UGT1A8: variants seen among roughly 807,000 people sequenced by gnomAD.
UGT1A8 encodes the protein UDP glucuronosyltransferase family 1 member A8.
In UGT1A8, 39 loss-of-function variants were observed where a neutral mutation model predicts 45.3. The ratio of observed to expected loss-of-function variants is 0.86; its 90% CI spans 0.67 to 1.12. The LOEUF is 1.12. UGT1A8 is among the 50% of genes most tolerant of loss of function. The probability of loss-of-function intolerance (pLI) is 0.00; values close to 1 mark genes in which losing one functional copy is unlikely to be tolerated. For synonymous variants in UGT1A8, 275 were observed against 249.2 expected (o/e 1.10, Z -0.97); for missense variants, 719 against 664.9 (o/e 1.08, Z -0.90).
chr2:233,692,756 A>G, intron 1 of UGT1A8: 3 of 1,156,272 alleles, frequency 2.6e-6, no homozygotes, highest in Non-Finnish European at 2.3e-6. Flanking sequence ...AGACTTGTGG[A>G]GCTGAAGAGA....
chr2:233,724,621 C>T (rs1346107086), intron 1 of UGT1A8, among the ~76,000 whole-genome samples: 1 of 138,572 alleles, frequency 7.2e-6, no homozygotes, highest in African/African-American at 2.8e-5. Flanking sequence ...CAGAGACGCT[C>T]CTCACTTCCT....
At chr2:233,729,975 C>T in intron 1 of UGT1A8, 1 of 1,614,046 alleles carries the variant, frequency 6.2e-7, no homozygotes, top group Non-Finnish European at 8.5e-7. Context: ...ACTGTGCCAA[C>T]AGGAAGCCAC....
Position 233,769,434 on chromosome 2 carries a change from T to C in UGT1A8, c.1295+995T>C, listed in dbSNP as rs999407687. 1.3e-5 allele frequency: 20 copies of C among 1,542,190 alleles called. No homozygotes were observed. Among genetic ancestry groups the C allele is most frequent in the Non-Finnish European group, 1.7e-5 (19 of 1,120,764 alleles). On this transcript the variant is annotated intron_variant, in intron 4 of 4. Coordinates refer to ENST00000373450, the MANE Select transcript of UGT1A8 (RefSeq NM_019076.5). This position sits in a 1 kb window ranked among gnomAD's most constrained non-coding sequence, Gnocchi z 4.4. ...GCGTTTGTGCATGTGGCTGTGCTCA[T>C]GTGTGGGTGCACACGTGTGCATTCA...
chr2:233,672,399 A>G, intron 1 of UGT1A8: 1 of 1,614,050 alleles, frequency 6.2e-7, no homozygotes. Flanking sequence ...ACTGTGGCTT[A>G]ATTGTTGCCA....
At chr2:233,700,589 G>GAT (rs2075574191) in intron 1 of UGT1A8, among the ~76,000 whole-genome samples, 2 of 152,036 alleles carry the variant, frequency 1.3e-5, no homozygotes. Flanking sequence ...AATTTATTAT[G>GAT]ATACAATTCA....
chr2:233,675,734 A>T (rs1422335513), intron 1 of UGT1A8, among the ~76,000 whole-genome samples: 4 of 152,200 alleles, frequency 2.6e-5, no homozygotes, highest in African/African-American at 9.7e-5. Flanking sequence ...TGCTCTACTA[A>T]TTCATCTATC....
rs368274844 is a variant in UGT1A8, at chr2:233,617,820, G to T, written c.113G>T (p.Trp38Leu). 5.0e-6 allele frequency: 8 copies of T among 1,614,090 alleles called. No homozygotes were observed. Among genetic ancestry groups the T allele is most frequent in the Non-Finnish European group, 6.8e-6 (8 of 1,180,016 alleles). Residue 38 changes from tryptophan (W) to leucine (L), a missense_variant, in exon 1 of 5, where the codon TGG becomes TTG. Trp to Leu is a moderately conservative substitution (Grantham distance 61). Coordinates refer to ENST00000373450, the MANE Select transcript of UGT1A8 (RefSeq NM_019076.5). Reference sequence around the variant, plus strand: ...GTAGTGCCCATGGATGGGAGTCACTGGTTCACCATGCAGTCGGTGGTGGAG... The same window carrying T: ...GTAGTGCCCATGGATGGGAGTCACTTGTTCACCATGCAGTCGGTGGTGGAG... ...LLVVPMDGSH[W>L]FTMQSVVEKL... is the part of the protein sequence containing the mutation.
intron 1 of UGT1A8, among the ~76,000 whole-genome samples, chr2:233,650,916 A>G (rs572780336): frequency 5.9e-5 from 9 of 152,336 alleles, no homozygotes; most frequent in Non-Finnish European, 1.3e-4. Flanking sequence ...GCAATGGACC[A>G]TGCAATTTTG....
At position 233,760,643 on chromosome 2, in the gene UGT1A8, A is replaced by G. The variant is rs534521374; in HGVS notation, c.856-6391A>G. On this transcript the variant is annotated intron_variant, in intron 1 of 4. Coordinates refer to ENST00000373450, the MANE Select transcript of UGT1A8 (RefSeq NM_019076.5). ...AAAACATACAAGAAAATAAAAAAGG[A>G]CTCTGCTATGCTTTTGTCTGGCTGT... 5.0e-6 allele frequency: 8 copies of G among 1,614,148 alleles called. No individual in the cohort carries two copies. The South Asian group carries it at 8.8e-5, about 18-fold the overall frequency.
intron 1 of UGT1A8, chr2:233,682,365 A>G (rs2074575471): frequency 5.6e-6 from 9 of 1,614,054 alleles, no homozygotes; most frequent in South Asian, 2.2e-5. Context: ...AGTTGTTTTG[A>G]TGCAGTGTTT....
intron 1 of UGT1A8, among the ~76,000 whole-genome samples, chr2:233,756,797 C>T (rs954051942): frequency 2.0e-5 from 3 of 151,992 alleles, no homozygotes. Context: ...GGGCAATACA[C>T]TAGTAAAGGT....
rs368860136 is a variant in UGT1A8 at position 233,772,310 on chromosome 2, G to C, written c.1344G>C (p.Pro448=). 4.6e-5 allele frequency: 74 copies of C among 1,614,210 alleles called. 1 individual carries two copies. The South Asian group carries it at 7.0e-4, about 15-fold the overall frequency. The part of the protein sequence containing the change: ...MRLSSLHKDR[P]VEPLDLAVFW... Reference sequence around the variant, plus strand: ...TCTCCAGCCTTCACAAGGACCGCCCGGTGGAGCCGCTGGACCTGGCCGTGT... The same window carrying C: ...TCTCCAGCCTTCACAAGGACCGCCCCGTGGAGCCGCTGGACCTGGCCGTGT... The change falls in exon 5 of 5, where the codon CCG becomes CCC. Residue 448 remains proline, a synonymous_variant. Transcript: ENST00000373450.
chr2:233,707,415 G>T (rs183543704), intron 1 of UGT1A8, among the ~76,000 whole-genome samples: 1 of 151,836 alleles, frequency 6.6e-6, no homozygotes, highest in Non-Finnish European at 1.5e-5. Context: ...TCTCTCCCTC[G>T]ACTATTTCTT....
At chr2:233,666,122 G>A (rs567900779) in intron 1 of UGT1A8, among the ~76,000 whole-genome samples, 1 of 152,330 alleles carries the variant, frequency 6.6e-6, no homozygotes, top group South Asian at 2.1e-4. Context: ...AGGGTGGAGG[G>A]TGCTGATCAC....
chr2:233,656,841 T>C (rs1339557150), intron 1 of UGT1A8, among the ~76,000 whole-genome samples: 1 of 152,086 alleles, frequency 6.6e-6, no homozygotes, highest in East Asian at 1.9e-4. Flanking sequence ...TTCTTTTCAG[T>C]TTACACGTTC....
chr2:233,644,630 G>A (rs2073551251), intron 1 of UGT1A8, among the ~76,000 whole-genome samples: 1 of 152,158 alleles, frequency 6.6e-6, no homozygotes. Context: ...AGCTGAGTTT[G>A]GTCTGGGTTT....
At chr2:233,717,510 G>C (rs1057270188) in intron 1 of UGT1A8, among the ~76,000 whole-genome samples, 15 of 152,198 alleles carry the variant, frequency 9.9e-5, no homozygotes, top group African/African-American at 3.6e-4. Flanking sequence ...ATTTCTAATG[G>C]GAGTAACTTC....
In UGT1A8 at chr2:233,722,286, T is replaced by C. The variant is rs567045948; in HGVS notation, c.856-44748T>C. 3.3e-5 allele frequency among the ~76,000 whole-genome samples: 5 copies of C among 152,342 alleles called. No homozygotes were observed. In the South Asian group the frequency reaches 8.3e-4, roughly 25 times the overall value. Reference sequence around the variant, plus strand: ...ATCATTTTTATTACATTGATTTCCTTTGTTATTTTGTCACCCTTACTTACT... The same window carrying C: ...ATCATTTTTATTACATTGATTTCCTCTGTTATTTTGTCACCCTTACTTACT... On this transcript the variant is annotated intron_variant, in intron 1 of 4. Transcript: ENST00000373450.
chr2:233,628,837 T>C (rs534011715), intron 1 of UGT1A8, among the ~76,000 whole-genome samples: 1 of 152,290 alleles, frequency 6.6e-6, no homozygotes, highest in South Asian at 2.1e-4. Flanking sequence ...TTTTGGATTT[T>C]TGTCAAACAC....
Sources: gnomAD v4.1 joint callset for allele counts (sites outside exome capture counted in the v4.1 genomes callset) on GRCh38, gnomAD v4.1.1 for gene constraint, Gnocchi (gnomAD v3.1) non-coding constraint, MANE v1.5 for transcripts, NCBI Gene and HGNC (gene_info 2026-07-23, HGNC 2026-07-21) for gene names.